Variants in NECAB1 observed in about 807,000 individuals in gnomAD.
The protein encoded by NECAB1 is N-terminal EF-hand calcium-binding protein 1.
Under a neutral mutation model 57.5 loss-of-function variants are expected in NECAB1, and 29 were observed. The observed-to-expected ratio is 0.50, with a 90% CI of 0.38 to 0.69. The LOEUF (loss-of-function observed/expected upper bound fraction) is 0.69. NECAB1 is among the 30% of genes least tolerant of loss of function. The pLI, the probability that NECAB1 is intolerant of heterozygous loss-of-function variation, is 0.00. For missense variants in NECAB1, 372 were observed against 413.8 expected, an observed-to-expected ratio of 0.90 and a Z score of 0.88; for synonymous variants, 142 against 147.7, an observed-to-expected ratio of 0.96 and a Z score of 0.28.
At chr8:90,853,843 T>G (rs1445073921) in intron 3 of NECAB1, among the ~76,000 whole-genome samples, 1 of 152,070 alleles carries the variant, frequency 6.6e-6, no homozygotes, top group Non-Finnish European at 1.5e-5. Flanking sequence ...AGATGGGAGA[T>G]AAGTCTCAAA....
chr8:90,894,381 A>G (rs1269012755), intron 5 of NECAB1, among the ~76,000 whole-genome samples: 4 of 152,214 alleles, frequency 2.6e-5, no homozygotes, highest in Admixed American at 1.3e-4. Flanking sequence ...CCCAAACTAT[A>G]CAAATCAGAA....
chr8:90,930,071 G>A (rs1244161745), intron 8 of NECAB1, among the ~76,000 whole-genome samples: 1 of 152,218 alleles, frequency 6.6e-6, no homozygotes, highest in Non-Finnish European at 1.5e-5. Flanking sequence ...GCAGCAAGAT[G>A]CAAAGTGAAT....
Position 90,824,820 on chromosome 8 carries a change from T to C in NECAB1, c.228T>C (p.Asn76=), listed in dbSNP as rs914104933. 3 of 1,505,086 alleles carry C rather than the reference T, an allele frequency of 2.0e-6. No individual in the cohort carries two copies. Among genetic ancestry groups the C allele is most frequent in the Non-Finnish European group, 2.7e-6 (3 of 1,114,784 alleles). The allele number at this position is 1,505,086 out of a possible 1,614,324, so 93.2% of individuals were successfully genotyped here. Residue 76 remains asparagine, a synonymous_variant, in exon 3 of 13, where the codon AAT becomes AAC. Coordinates refer to ENST00000417640, the MANE Select transcript of NECAB1 (RefSeq NM_022351.5). ...TTTTCCATACCATTGATACACATAATACTAAGTAAGAAACTTTTTTATCAC... is the reference window on the plus strand; with the variant it reads ...TTTTCCATACCATTGATACACATAACACTAAGTAAGAAACTTTTTTATCAC... The part of the protein sequence containing the change: ...HELFHTIDTH[N]TNNLDTEELC...
chr8:90,806,401 G>A (rs1323519615), intron 2 of NECAB1: 1 of 152,152 alleles, frequency 6.6e-6, no homozygotes, highest in Non-Finnish European at 1.5e-5. Context: ...TGAATTATTT[G>A]TAAGAAATGC....
chr8:90,876,028 ATAAAG>A (rs962647729), intron 4 of NECAB1, among the ~76,000 whole-genome samples: 6 of 151,982 alleles, frequency 3.9e-5, no homozygotes, highest in Admixed American at 1.3e-4. Flanking sequence ...ATAATAATAA[ATAAAG>A]TAAAGTAAAA....
At chr8:90,792,112 A>T in intron 1 of NECAB1, 127 bp downstream of exon 1, 1 of 707,818 alleles carries the variant, frequency 1.4e-6, no homozygotes, top group Non-Finnish European at 2.4e-6. Flanking sequence ...AGAACTACCG[A>T]TGCAAATGCA....
chr8:90,815,478 A>G (rs540461574), intron 2 of NECAB1, among the ~76,000 whole-genome samples: 45 of 152,114 alleles, frequency 3.0e-4, no homozygotes, highest in African/African-American at 1.1e-3. Context: ...CATGTTATAT[A>G]TCTATCATAG....
At chr8:90,891,851 G>C (rs1809180939) in intron 5 of NECAB1, among the ~76,000 whole-genome samples, 1 of 151,954 alleles carries the variant, frequency 6.6e-6, no homozygotes, top group Admixed American at 6.6e-5. Flanking sequence ...ACACCACTGT[G>C]CCTGGCTAAT....
intron 3 of NECAB1, among the ~76,000 whole-genome samples, chr8:90,865,861 T>G (rs774496509): frequency 6.6e-6 from 1 of 152,216 alleles, no homozygotes; most frequent in East Asian, 1.9e-4. Flanking sequence ...CACATTCTTC[T>G]AGGTTAAATT....
chr8:90,939,226 C>A (rs1810611499), intron 9 of NECAB1, among the ~76,000 whole-genome samples: 1 of 152,210 alleles, frequency 6.6e-6, no homozygotes, highest in African/African-American at 2.4e-5. Flanking sequence ...TTGCTGGCCC[C>A]TGCTGTAGCA....
intron 3 of NECAB1, among the ~76,000 whole-genome samples, chr8:90,850,827 T>C (rs1812668822): frequency 6.6e-6 from 1 of 152,204 alleles, no homozygotes; most frequent in Non-Finnish European, 1.5e-5. Flanking sequence ...TGGAATTTCC[T>C]GAGTGTTAGG....
chr8:90,797,206 A>G (rs183768535), intron 1 of NECAB1, among the ~76,000 whole-genome samples: 329 of 152,214 alleles, frequency 2.2e-3, no homozygotes, highest in African/African-American at 7.5e-3. Context: ...TTTAAGCATA[A>G]CTCTTACTAT....
chr8:90,793,995 A>G (rs1025668760), intron 1 of NECAB1, among the ~76,000 whole-genome samples: 2 of 152,210 alleles, frequency 1.3e-5, no homozygotes, highest in Non-Finnish European at 1.5e-5. Context: ...TAGTCTGTGA[A>G]TAGGGTGGTC....
chr8:90,866,845 G>A (rs773488873), intron 3 of NECAB1, among the ~76,000 whole-genome samples: 34 of 152,134 alleles, frequency 2.2e-4, no homozygotes, highest in Non-Finnish European at 2.8e-4. Flanking sequence ...GACAGTGTGC[G>A]ATTCCTCAAG....
intron 5 of NECAB1, among the ~76,000 whole-genome samples, chr8:90,894,455 A>G (rs1184839147): frequency 6.6e-6 from 1 of 152,206 alleles, no homozygotes; most frequent in Non-Finnish European, 1.5e-5. Flanking sequence ...AAAACTTGAT[A>G]TGATTCCTAG....
chr8:90,834,714 A>G (rs1420639215), intron 3 of NECAB1, among the ~76,000 whole-genome samples: 1 of 152,222 alleles, frequency 6.6e-6, no homozygotes, highest in Non-Finnish European at 1.5e-5. Context: ...AGTTGAAAAT[A>G]TAGAAAATTA....
At chr8:90,902,316 T>A (rs912220384) in intron 5 of NECAB1, among the ~76,000 whole-genome samples, 2 of 152,070 alleles carry the variant, frequency 1.3e-5, no homozygotes, top group African/African-American at 2.4e-5. Context: ...ACTATTCGGG[T>A]GGCTGAGGTA....
chr8:90,878,769 C>A (rs1157385320), intron 4 of NECAB1, among the ~76,000 whole-genome samples: 3 of 151,666 alleles, frequency 2.0e-5, no homozygotes, highest in Non-Finnish European at 2.9e-5. Flanking sequence ...TTCTTATATG[C>A]TTTATCAGCA....
At chr8:90,924,223 T>C (rs1810202894) in intron 6 of NECAB1, among the ~76,000 whole-genome samples, 1 of 152,220 alleles carries the variant, frequency 6.6e-6, no homozygotes, top group Non-Finnish European at 1.5e-5. Flanking sequence ...TCTAGAAATC[T>C]GTATGCCATA....
Sources: allele counts gnomAD v4.1 joint callset (sites outside exome capture counted in the v4.1 genomes callset), GRCh38; gene constraint gnomAD v4.1.1; transcripts MANE v1.5; gene names NCBI Gene and HGNC (gene_info 2026-07-23, HGNC 2026-07-21).